PGM5: variants seen among roughly 807,000 people sequenced by gnomAD.
PGM5 encodes phosphoglucomutase-like protein 5.
PGM5 carries 23 observed loss-of-function variants against 59.2 expected under a neutral mutation model. That is an observed-to-expected ratio of 0.39 (90% CI 0.28 to 0.55). The LOEUF (loss-of-function observed/expected upper bound fraction) is 0.55, where lower values mean the gene tolerates loss of function less well. Among genes scored for constraint, PGM5 ranks in the 20% least tolerant of loss-of-function variants. The pLI, the probability that PGM5 is intolerant of heterozygous loss-of-function variation, is 0.66. For synonymous variants in PGM5, 214 were observed against 286.0 expected, an observed-to-expected ratio of 0.75 and a Z score of 2.54; for missense variants, 574 against 748.3, an observed-to-expected ratio of 0.77 and a Z score of 2.72.
In PGM5 at chr9:68,378,245, C is replaced by T. The variant is rs782140425; in HGVS notation, c.308C>T (p.Ala103Val). The T allele has an allele frequency of 1.6e-5, 26 of 1,596,582 alleles. No homozygotes were observed. Among genetic ancestry groups the T allele is most frequent in the East Asian group, 6.7e-5 (3 of 44,622 alleles). The change falls in exon 2 of 11, where the codon GCG (alanine) becomes GTG (valine). Residue 103 changes from alanine (A) to valine (V), a missense_variant. Ala to Val is a moderately conservative substitution (Grantham distance 64, BLOSUM62 0). Transcript: ENST00000396396. ...IGQNGILSTP[A>V]VSCIIRKIKA... ...CAGAATGGCATCTTGTCGACACCTG[C>T]GGTCTCCTGCATTATCAGGAAGATC...
At chr9:68,466,658 T>A (rs1343556733) in intron 7 of PGM5, 2 of 152,930 alleles carry the variant, frequency 1.3e-5, no homozygotes, top group Non-Finnish European at 2.9e-5. Flanking sequence ...GTGATCTGGG[T>A]TTGGGTTTTA....
intron 6 of PGM5, among the ~76,000 whole-genome samples, chr9:68,461,644 C>T (rs1476400956): frequency 2.0e-5 from 3 of 152,282 alleles, no homozygotes; most frequent in East Asian, 1.9e-4. Context: ...GCTAGCTTTT[C>T]CTGCTGCCTT....
At chr9:68,405,078 C>A (rs782614537) in intron 6 of PGM5, 1 of 152,244 alleles carries the variant, frequency 6.6e-6, no homozygotes, top group Non-Finnish European at 1.5e-5. Context: ...CATGCTCTTA[C>A]ACCAGCTTGT....
intron 6 of PGM5, among the ~76,000 whole-genome samples, chr9:68,463,182 G>T (rs567161354): frequency 7.1e-6 from 1 of 140,072 alleles, no homozygotes; most frequent in Non-Finnish European, 1.6e-5. Context: ...GTTTCTAGAT[G>T]TTTTTTTTTT....
intron 8 of PGM5, among the ~76,000 whole-genome samples, chr9:68,480,443 G>A (rs948117590): frequency 3.7e-4 from 56 of 152,276 alleles, no homozygotes; most frequent in African/African-American, 1.1e-3. Flanking sequence ...GGTGGCTCAC[G>A]CCTGTAATAC....
At chr9:68,493,212 G>T (rs78701553) in intron 9 of PGM5, among the ~76,000 whole-genome samples, 1 of 152,134 alleles carries the variant, frequency 6.6e-6, no homozygotes, top group African/African-American at 2.4e-5. Flanking sequence ...ATATCTGGCA[G>T]CTCTGTGTGT....
chr9:68,431,657 A>G (rs1823351582), intron 6 of PGM5, among the ~76,000 whole-genome samples: 1 of 152,164 alleles, frequency 6.6e-6, no homozygotes, highest in Admixed American at 6.5e-5. Flanking sequence ...TTCTAGAATG[A>G]TCTTATAACA....
chr9:68,435,992 T>C (rs1554683341), intron 6 of PGM5, among the ~76,000 whole-genome samples: 2 of 152,226 alleles, frequency 1.3e-5, no homozygotes, highest in Admixed American at 6.5e-5. Context: ...ACATCTGGCA[T>C]GGTGCTGGAT....
intron 10 of PGM5, among the ~76,000 whole-genome samples, chr9:68,511,712 G>A (rs1824754787): frequency 6.6e-6 from 1 of 151,254 alleles, no homozygotes; most frequent in Non-Finnish European, 1.5e-5. Context: ...CACCATGCCT[G>A]GCTAATTTTT....
chr9:68,516,428 G>A (rs1824825661), intron 10 of PGM5, among the ~76,000 whole-genome samples: 1 of 152,190 alleles, frequency 6.6e-6, no homozygotes, highest in Non-Finnish European at 1.5e-5. Context: ...TTAGAAGGCT[G>A]TACCCTCTGG....
intron 1 of PGM5, among the ~76,000 whole-genome samples, chr9:68,369,146 C>G (rs1472251256): frequency 6.6e-6 from 1 of 152,184 alleles, no homozygotes; most frequent in East Asian, 1.9e-4. Flanking sequence ...GCAAGTGAAA[C>G]GTGTCAAGAG....
At chr9:68,429,526 G>A (rs1335442758) in intron 6 of PGM5, among the ~76,000 whole-genome samples, 3 of 152,166 alleles carry the variant, frequency 2.0e-5, no homozygotes, top group African/African-American at 4.8e-5. Context: ...TTCAGGAAGT[G>A]CTCATTACTC....
intron 4 of PGM5, among the ~76,000 whole-genome samples, chr9:68,389,188 G>T: frequency 1.3e-5 from 2 of 151,792 alleles, no homozygotes; most frequent in South Asian, 2.1e-4. Context: ...ATTCTCTCTT[G>T]TAAAAACGCA....
chr9:68,439,716 CATATAT>C (rs543306902), intron 6 of PGM5, among the ~76,000 whole-genome samples: 1 of 148,752 alleles, frequency 6.7e-6, no homozygotes, highest in African/African-American at 2.5e-5. Context: ...TACACACACA[CATATAT>C]ATATATAAAT....
At chr9:68,462,696 C>G (rs1035770166) in intron 6 of PGM5, among the ~76,000 whole-genome samples, 6 of 151,964 alleles carry the variant, frequency 3.9e-5, no homozygotes, top group Non-Finnish European at 8.8e-5. Flanking sequence ...ACCCCGTACC[C>G]TCCCTCTCAC....
At chr9:68,361,852 A>G (rs1415745442) in intron 1 of PGM5, among the ~76,000 whole-genome samples, 1 of 152,002 alleles carries the variant, frequency 6.6e-6, no homozygotes, top group East Asian at 1.9e-4. Context: ...AGACTATTTC[A>G]TAGGCAATAA....
intron 1 of PGM5, among the ~76,000 whole-genome samples, chr9:68,358,825 G>A (rs1834519654): frequency 1.3e-5 from 2 of 152,024 alleles, no homozygotes; most frequent in South Asian, 4.2e-4. Context: ...GTGGAATTGT[G>A]ATTTTTGACT....
At chr9:68,464,901 G>A (rs1554685686) in intron 6 of PGM5, among the ~76,000 whole-genome samples, 192 bp from the exon 7 acceptor site, 1 of 152,140 alleles carries the variant, frequency 6.6e-6, no homozygotes. Context: ...AAGCAAAATT[G>A]AGAACCATTG....
At chr9:68,438,337 T>C (rs956785821) in intron 6 of PGM5, among the ~76,000 whole-genome samples, 20 of 144,346 alleles carry the variant, frequency 1.4e-4, no homozygotes, top group African/African-American at 4.9e-4. Context: ...CGGTTGAAGG[T>C]AATCTGTAGC....
Sources: allele counts gnomAD v4.1 joint callset (sites outside exome capture counted in the v4.1 genomes callset), GRCh38; gene constraint gnomAD v4.1.1; transcripts MANE v1.5; gene names NCBI Gene and HGNC (gene_info 2026-07-23, HGNC 2026-07-21).